NOVA2: variants seen among roughly 807,000 people sequenced by gnomAD.
NOVA2 encodes NOVA alternative splicing regulator 2, also known as RNA-binding protein Nova-2.
In NOVA2, 9 loss-of-function variants were observed where a neutral mutation model predicts 22.5. The ratio of observed to expected loss-of-function variants is 0.40; its 90% confidence interval spans 0.24 to 0.70. The LOEUF is 0.70. Among genes scored for constraint, NOVA2 ranks in the 30% least tolerant of loss-of-function variants. The pLI is 0.38. For synonymous variants in NOVA2, 318 were observed against 335.2 expected (o/e 0.95, Z 0.56); for missense variants, 383 against 682.8 (o/e 0.56, Z 4.89).
Position 45,961,007 on chromosome 19 carries a change from C to T in NOVA2, c.229+3G>A. On this transcript the variant is annotated splice_donor_region_variant and intron_variant, in intron 2 of 3. Transcript: ENST00000263257. ...TAGGGCAGAGACCTGGGCCGGGGCT[C>T]ACCGGGGTAGAAGTCTTTGGACTTG... 6.4e-7 allele frequency: 1 copy of T among 1,571,314 alleles called. No individual in the cohort carries two copies. Among genetic ancestry groups the T allele is most frequent in the Non-Finnish European group, 8.6e-7 (1 of 1,157,852 alleles).
At position 45,938,598 on chromosome 19, in the gene NOVA2, C is replaced by T. The variant is rs1967691761; in HGVS notation, c.*1265G>A. On this transcript the variant is annotated 3_prime_UTR_variant, in exon 4 of 4. Coordinates refer to ENST00000263257, the MANE Select transcript of NOVA2 (RefSeq NM_002516.4). ...AAGGGAGGTCTTTAACAGTAGTTTG[C>T]ACTAGGTCCATCTCCCACCCCTCCC... The T allele has an allele frequency of 6.6e-6, 1 of 152,416 alleles. No homozygotes were observed. Among genetic ancestry groups the T allele is most frequent in the South Asian group, 2.1e-4 (1 of 4,836 alleles). 9.4% of individuals were successfully genotyped at this position (152,416 alleles called of 1,614,324 possible).
At chr19:45,953,022 T>G (rs768824088) in intron 3 of NOVA2, among the ~76,000 whole-genome samples, 2 of 152,218 alleles carry the variant, frequency 1.3e-5, no homozygotes, top group South Asian at 4.1e-4. Flanking sequence ...GGAGTACGCA[T>G]GCATAGGGGA....
At chr19:45,943,462 C>T (rs1967791593) in intron 3 of NOVA2, among the ~76,000 whole-genome samples, 1 of 151,590 alleles carries the variant, frequency 6.6e-6, no homozygotes, top group South Asian at 2.1e-4. Context: ...GCCTGTAATC[C>T]CAGCACCTCG....
chr19:45,950,525 C>A (rs183688501), intron 3 of NOVA2, among the ~76,000 whole-genome samples: 10 of 152,322 alleles, frequency 6.6e-5, no homozygotes, highest in Non-Finnish European at 1.3e-4. Flanking sequence ...AGCGCTAAGC[C>A]AATGGCAGCT....
chr19:45,936,156 C>T lies in NOVA2; in HGVS notation c.*3707G>A, dbSNP rs1967649390. The T allele has an allele frequency of 6.6e-6, 1 of 152,216 alleles. No homozygotes were observed. Among genetic ancestry groups the T allele is most frequent in the African/African-American group, 2.4e-5 (1 of 41,438 alleles). 9.4% of individuals were successfully genotyped at this position (152,216 alleles called of 1,614,324 possible). A position where few individuals can be genotyped will look rare whatever the true frequency, so the allele number is the denominator to read the frequency against. ...AGGAGGTTAATTTGGCACATCGAAC[C>T]CCCTCTTCTCATAGGAGCTTTGAGG... On this transcript the variant is annotated 3_prime_UTR_variant, in exon 4 of 4. Coordinates refer to ENST00000263257, the MANE Select transcript of NOVA2 (RefSeq NM_002516.4).
At position 45,935,729 on chromosome 19, in the gene NOVA2, T is replaced by C. The variant is rs1231928370; in HGVS notation, c.*4134A>G. On this transcript the variant is annotated 3_prime_UTR_variant, in exon 4 of 4. Coordinates refer to ENST00000263257, the MANE Select transcript of NOVA2 (RefSeq NM_002516.4). ...CATCCATTCAGGGGGACTCCTCTCA[T>C]TTTCCAAACAATTGGCCACCAATCA... The C allele has an allele frequency of 6.6e-6, 1 of 152,262 alleles. No individual in the cohort carries two copies. The highest frequency in any genetic ancestry group is 1.5e-5 in the Non-Finnish European group (1 of 68,054). The allele number at this position is 152,262 out of a possible 1,614,324, so 9.4% of individuals were successfully genotyped here.
Position 45,973,699 on chromosome 19 carries a change from A to G in NOVA2, c.-348T>C, listed in dbSNP as rs1481886532. On this transcript the variant is annotated 5_prime_UTR_variant, in exon 1 of 4. Coordinates refer to ENST00000263257, the MANE Select transcript of NOVA2 (RefSeq NM_002516.4). ...CTCGGGGGGCTGACAGAGCCTGGAG[A>G]GCGGCCGTGAGCAGGATGGCAGGGC... 8.0e-6 allele frequency among the ~76,000 whole-genome samples: 1 copy of G among 125,638 alleles called. No homozygotes were observed. Among genetic ancestry groups the G allele is most frequent in the Non-Finnish European group, 1.7e-5 (1 of 59,422 alleles). 82.4% of individuals were successfully genotyped at this position (125,638 alleles called of 152,430 possible). A position where few individuals can be genotyped will look rare whatever the true frequency, so the allele number is the denominator to read the frequency against.
chr19:45,973,017 C>A (rs905201682), intron 1 of NOVA2, among the ~76,000 whole-genome samples: 4 of 144,304 alleles, frequency 2.8e-5, no homozygotes, highest in Admixed American at 2.0e-4. Context: ...TCTTCTGCGC[C>A]CCCCAAGGAC....
intron 3 of NOVA2, among the ~76,000 whole-genome samples, chr19:45,948,349 C>A (rs1364231323): frequency 6.6e-6 from 1 of 152,056 alleles, no homozygotes; most frequent in Non-Finnish European, 1.5e-5. Context: ...CCTGTAATCC[C>A]AGAACTTTGG....
At chr19:45,962,988 G>A (rs4803876) in intron 1 of NOVA2, among the ~76,000 whole-genome samples, 12 of 151,510 alleles carry the variant, frequency 7.9e-5, no homozygotes, top group Non-Finnish European at 1.5e-4. Context: ...AAAGCATTTT[G>A]TTAATGTAGT....
chr19:45,970,716 C>T (rs994733262), intron 1 of NOVA2, among the ~76,000 whole-genome samples: 2 of 152,072 alleles, frequency 1.3e-5, no homozygotes, highest in Non-Finnish European at 2.9e-5. Flanking sequence ...CAGATGAGGA[C>T]ACTGAGGCTC....
intron 3 of NOVA2, 147 bp downstream of exon 3, chr19:45,953,633 A>C: frequency 4.2e-6 from 4 of 955,806 alleles, no homozygotes; most frequent in Non-Finnish European, 6.5e-6. Flanking sequence ...CCTAAAAATA[A>C]TACTAACCAC....
At chr19:45,947,079 T>G (rs1381032167) in intron 3 of NOVA2, among the ~76,000 whole-genome samples, 1 of 152,174 alleles carries the variant, frequency 6.6e-6, no homozygotes, top group African/African-American at 2.4e-5. Flanking sequence ...TCCGCTTTAT[T>G]TTTCTTCATA....
In NOVA2 at chr19:45,934,468, G is replaced by C. The variant is rs1233648678; in HGVS notation, c.*5395C>G. ...CCACACCTCTCCCACCACCCTGCCG[G>C]GGAATCTATGCACCCCATCCCTCTA... On this transcript the variant is annotated 3_prime_UTR_variant, in exon 4 of 4. Coordinates refer to ENST00000263257, the MANE Select transcript of NOVA2 (RefSeq NM_002516.4). 6.6e-6 allele frequency: 1 copy of C among 152,194 alleles called. No homozygotes were observed. Among genetic ancestry groups the C allele is most frequent in the East Asian group, 1.9e-4 (1 of 5,178 alleles). The allele number at this position is 152,194 out of a possible 1,614,324, so 9.4% of individuals were successfully genotyped here. A position where few individuals can be genotyped will look rare whatever the true frequency, so the allele number is the denominator to read the frequency against.
intron 1 of NOVA2, among the ~76,000 whole-genome samples, chr19:45,968,450 G>C (rs1330038912): frequency 1.3e-5 from 2 of 152,092 alleles, no homozygotes; most frequent in African/African-American, 4.8e-5. Context: ...GTAGGGATGA[G>C]ATGCTGAAAG....
chr19:45,968,608 A>T (rs951022062), intron 1 of NOVA2, among the ~76,000 whole-genome samples: 1 of 151,990 alleles, frequency 6.6e-6, no homozygotes, highest in African/African-American at 2.4e-5. Flanking sequence ...GATGATGATG[A>T]TGATAGCGAC....
intron 1 of NOVA2, among the ~76,000 whole-genome samples, chr19:45,971,076 G>A (rs1312628094): frequency 6.6e-6 from 1 of 151,540 alleles, no homozygotes; most frequent in African/African-American, 2.4e-5. Flanking sequence ...GTGACCTTGG[G>A]CAAGCGGTTT....
chr19:45,973,403 C>T lies in NOVA2; in HGVS notation c.-52G>A, dbSNP rs1335806688. Reference sequence around the variant, plus strand: ...GCTGCTGCGGCGGCTGCGGCGGCGGCGGCGGCGGCTGCTGTGGCGGCGGCG... The same window carrying T: ...GCTGCTGCGGCGGCTGCGGCGGCGGTGGCGGCGGCTGCTGTGGCGGCGGCG... On this transcript the variant is annotated 5_prime_UTR_variant, in exon 1 of 4. Coordinates refer to ENST00000263257, the MANE Select transcript of NOVA2 (RefSeq NM_002516.4). 18 of 454,648 alleles carry T rather than the reference C, an allele frequency of 4.0e-5. No individual in the cohort carries two copies. The South Asian group carries it at 1.4e-3, about 34-fold the overall frequency. The allele number at this position is 454,648 out of a possible 1,614,324, so 28.2% of individuals were successfully genotyped here.
At chr19:45,959,313 G>C (rs921750335) in intron 2 of NOVA2, among the ~76,000 whole-genome samples, 1 of 152,162 alleles carries the variant, frequency 6.6e-6, no homozygotes, top group Non-Finnish European at 1.5e-5. Context: ...GAGTGGGGAT[G>C]GGGGCTGACC....
Sources: allele counts gnomAD v4.1 joint callset (sites outside exome capture counted in the v4.1 genomes callset), GRCh38; gene constraint gnomAD v4.1.1; transcripts MANE v1.5; gene names NCBI Gene and HGNC (gene_info 2026-07-23, HGNC 2026-07-21).